KLHL25: variants seen among roughly 807,000 people sequenced by gnomAD.
The protein encoded by KLHL25 is kelch like family member 25.
Under a neutral mutation model 30.0 loss-of-function variants are expected in KLHL25, and 41 were observed. The observed-to-expected ratio is 1.37, with a 90% CI of 1.07 to 1.78. The LOEUF (loss-of-function observed/expected upper bound fraction) is 1.78. Among genes scored for constraint, KLHL25 ranks in the 40% most tolerant of loss-of-function variants. The probability of loss-of-function intolerance (pLI) is 0.00; values close to 1 mark genes in which losing one functional copy is unlikely to be tolerated. For synonymous variants in KLHL25, 399 were observed against 355.3 expected (o/e 1.12, Z -1.38); for missense variants, 971 against 824.5 (o/e 1.18, Z -2.18).
rs1377094528 is a variant in KLHL25 at position 85,769,713 on chromosome 15, A to G, written c.98T>C (p.Leu33Pro). 6.2e-7 allele frequency: 1 copy of G among 1,614,004 alleles called. No individual in the cohort carries two copies. ...CTTGCGAAGCGTGTTGAGGTGGGCC[A>G]GCACACAGTCCGGGTGGGAGGCCTT... The part of the protein sequence containing the change: ...FHKASHPDCV[L>P]AHLNTLRKHC... The change falls in exon 2 of 3, where the codon CTG (leucine) becomes CCG (proline). Residue 33 changes from leucine to proline, a missense_variant. Transcript: ENST00000337975.
chr15:85,792,249 C>T (rs1279281569), intron 1 of KLHL25, among the ~76,000 whole-genome samples: 2 of 149,856 alleles, frequency 1.3e-5, no homozygotes, highest in East Asian at 3.9e-4. Flanking sequence ...CCTCCCTCCT[C>T]CCCTGCACCT....
Position 85,769,183 on chromosome 15 carries a change from C to A in KLHL25, c.628G>T (p.Val210Phe). The A allele has an allele frequency of 6.2e-7, 1 of 1,613,514 alleles. No homozygotes were observed. The highest frequency in any genetic ancestry group is 8.5e-7 in the Non-Finnish European group (1 of 1,179,978). Residue 210 changes from valine to phenylalanine, a missense_variant, in exon 2 of 3, where the codon GTC (valine) becomes TTC (phenylalanine). Coordinates refer to ENST00000337975, the MANE Select transcript of KLHL25 (RefSeq NM_022480.4). ...ACCCACTGGAGGATGGCCTCGAAGA[C>A]CACCCGCTCGTCCTCGGTCTCCAGC... ...DELETEDERV[V>F]FEAILQWVKH...
rs574080410 is a variant in KLHL25, at chr15:85,769,132, C to A, written c.679G>T (p.Val227Phe). Residue 227 changes from valine to phenylalanine, a missense_variant, in exon 2 of 3, where the codon GTC (valine) becomes TTC (phenylalanine). By Grantham distance (50) the Val-to-Phe change is conservative (BLOSUM62 -1). Coordinates refer to ENST00000337975, the MANE Select transcript of KLHL25 (RefSeq NM_022480.4). Reference sequence around the variant, plus strand: ...CTGCGGAGGAGCTCGGGCAAGTGGACCTTCCGTGGCTCCAGGTCGTGCTTC... The same window carrying A: ...CTGCGGAGGAGCTCGGGCAAGTGGAACTTCCGTGGCTCCAGGTCGTGCTTC... ...WVKHDLEPRKVHLPELLRSVR... is the reference protein window; with the variant it reads ...WVKHDLEPRKFHLPELLRSVR... 7 of 1,608,150 alleles carry A rather than the reference C, an allele frequency of 4.4e-6. No homozygotes were observed. In the Admixed American group the frequency reaches 6.7e-5, roughly 15 times the overall value.
Position 85,768,311 on chromosome 15 carries a change from G to GT in KLHL25, c.1499dup (p.Asp500GlufsTer13). The GT allele has an allele frequency of 6.2e-7, 1 of 1,613,994 alleles. No individual in the cohort carries two copies. Among genetic ancestry groups the GT allele is most frequent in the Non-Finnish European group, 8.5e-7 (1 of 1,180,044 alleles). ...AGGCCGAGGCGGCTGTGAATTCCGT[G>GT]TCACCTCCCATGATGAAGATCTGGC... On this transcript the variant is annotated frameshift_variant, in exon 2 of 3. Transcript: ENST00000337975. LOFTEE classifies it high-confidence loss of function.
At chr15:85,793,237 T>C (rs905771967) in intron 1 of KLHL25, among the ~76,000 whole-genome samples, 2 of 152,180 alleles carry the variant, frequency 1.3e-5, no homozygotes, top group East Asian at 3.9e-4. Context: ...AATTTGCCTA[T>C]AGCTCTTCTC....
chr15:85,763,464 C>T (rs2089597444), intron 2 of KLHL25: 2 of 152,336 alleles, frequency 1.3e-5, no homozygotes, highest in Admixed American at 6.5e-5. Context: ...AGTGGGCGCC[C>T]TCCAACAGCA....
intron 2 of KLHL25, among the ~76,000 whole-genome samples, chr15:85,766,994 ATTTTT>A (rs35838334): frequency 7.1e-6 from 1 of 140,862 alleles, no homozygotes; most frequent in Non-Finnish European, 1.5e-5. Context: ...GTTGGCGATC[ATTTTT>A]TTTTTTTTTT....
At chr15:85,767,314 C>G (rs1161684564) in intron 2 of KLHL25, among the ~76,000 whole-genome samples, 1 of 151,962 alleles carries the variant, frequency 6.6e-6, no homozygotes, top group Non-Finnish European at 1.5e-5. Flanking sequence ...ATTGCCCAGG[C>G]TGGTCTTGAA....
chr15:85,769,738 T>C lies in KLHL25; in HGVS notation c.73A>G (p.Lys25Glu), dbSNP rs777621834. ...AGCACACAGTCCGGGTGGGAGGCCTTGTGGAAGAGGGTGACGTTCATGGAC... is the reference window on the plus strand; with the variant it reads ...AGCACACAGTCCGGGTGGGAGGCCTCGTGGAAGAGGGTGACGTTCATGGAC... ...TGSMNVTLFHKASHPDCVLAH... is the reference protein window; with the variant it reads ...TGSMNVTLFHEASHPDCVLAH... The change falls in exon 2 of 3, where the codon AAG (lysine) becomes GAG (glutamate). Residue 25 changes from lysine (K) to glutamate (E), a missense_variant. Transcript: ENST00000337975. The C allele has an allele frequency of 6.2e-7, 1 of 1,613,810 alleles. No homozygotes were observed. The highest frequency in any genetic ancestry group is 2.2e-5 in the East Asian group (1 of 44,888).
rs371582435 is a variant in KLHL25, at chr15:85,768,084, A to T, written c.1727T>A (p.Ile576Asn). 1.2e-6 allele frequency: 2 copies of T among 1,613,860 alleles called. No homozygotes were observed. The highest frequency in any genetic ancestry group is 1.3e-5 in the African/African-American group (1 of 74,892). ...NCITTVPYSL[I>N]PTAFVSTWKH... is the part of the protein sequence containing the mutation. ...CCAGGTGCTGACAAAGGCCGTGGGG[A>T]TAAGTGAGTAGGGCACTGTGGTGAT... is the stretch of plus-strand genomic sequence containing the variant. The change falls in exon 2 of 3, where the codon ATC becomes AAC. Residue 576 changes from isoleucine (I) to asparagine (N), a missense_variant. Transcript: ENST00000337975.
rs1041781113 is a variant in KLHL25, at chr15:85,781,343, A to G, written c.-10-11523T>C. On this transcript the variant is annotated intron_variant, in intron 1 of 2. Transcript: ENST00000337975. ...AAAACATCGGTTCACTGAGTTATGC[A>G]CTCTGGAGAGAATGAGTGAAAAGGG... Among the ~76,000 whole-genome samples the G allele has an allele frequency of 2.6e-5, 4 of 152,182 alleles. No individual in the cohort carries two copies. In the East Asian group the frequency reaches 7.7e-4, roughly 29 times the overall value.
rs1347107841 is a variant in KLHL25 at position 85,773,697 on chromosome 15, C to CT, written c.-10-3878dup. Among the ~76,000 whole-genome samples the CT allele has an allele frequency of 2.0e-5, 3 of 152,180 alleles. No individual in the cohort carries two copies. In the East Asian group the frequency reaches 5.8e-4, roughly 29 times the overall value. ...CTCTATACTAAGATGTTCACTGGAA[C>CT]TTTGAGGAACGAAGCAGGCCCTTTC... On this transcript the variant is annotated intron_variant, in intron 1 of 2. Coordinates refer to ENST00000337975, the MANE Select transcript of KLHL25 (RefSeq NM_022480.4).
intron 2 of KLHL25, among the ~76,000 whole-genome samples, chr15:85,766,388 C>T (rs1368869627): frequency 2.0e-5 from 3 of 152,200 alleles, no homozygotes; most frequent in Non-Finnish European, 4.4e-5. Flanking sequence ...CGCACCCTGG[C>T]CTTTCCCAGG....
At chr15:85,761,739 G>C (rs1384114322) in intron 2 of KLHL25, 1 of 152,296 alleles carries the variant, frequency 6.6e-6, no homozygotes, top group Non-Finnish European at 1.5e-5. Context: ...GGCGGGCACA[G>C]GCAGGCGGAG....
intron 1 of KLHL25, among the ~76,000 whole-genome samples, chr15:85,776,970 G>T (rs2151810227): frequency 6.6e-6 from 1 of 152,198 alleles, no homozygotes; most frequent in East Asian, 1.9e-4. Flanking sequence ...TCTGACACTT[G>T]CAGTGAAGCC....
chr15:85,772,125 C>G (rs1258682197), intron 1 of KLHL25, among the ~76,000 whole-genome samples: 2 of 152,236 alleles, frequency 1.3e-5, no homozygotes, highest in Non-Finnish European at 2.9e-5. Context: ...CCCCTCCTGC[C>G]CCACCCCACA....
intron 1 of KLHL25, among the ~76,000 whole-genome samples, chr15:85,783,694 T>TAA (rs34688793): frequency 2.9e-5 from 4 of 136,402 alleles, no homozygotes; most frequent in African/African-American, 8.3e-5. Context: ...TCCACCTCAA[T>TAA]AAAAAAAAAA....
intron 1 of KLHL25, among the ~76,000 whole-genome samples, chr15:85,792,053 T>C (rs751013004): frequency 2.6e-5 from 4 of 152,332 alleles, no homozygotes; most frequent in Middle Eastern, 3.4e-3. Context: ...GGGATGATTA[T>C]GCCTTGAAGA....
rs1567237999 is a variant in KLHL25 at position 85,768,133 on chromosome 15, G to T, written c.1678C>A (p.Pro560Thr). Residue 560 changes from proline to threonine, a missense_variant, in exon 2 of 3, where the codon CCC (proline) becomes ACC (threonine). Pro to Thr is a conservative substitution (Grantham distance 38, BLOSUM62 -1). Coordinates refer to ENST00000337975, the MANE Select transcript of KLHL25 (RefSeq NM_022480.4). ...QRCKTLDCYDPTSDTWNCITT... is the reference protein window; with the variant it reads ...QRCKTLDCYDTTSDTWNCITT... ...ATGCAGTTCCATGTATCTGAAGTGG[G>T]GTCATAGCAGTCCAGAGTCTTACAC... The T allele has an allele frequency of 6.2e-7, 1 of 1,614,218 alleles. No individual in the cohort carries two copies. Among genetic ancestry groups the T allele is most frequent in the African/African-American group, 1.3e-5 (1 of 75,052 alleles).
Sources: gnomAD v4.1 joint callset for allele counts (sites outside exome capture counted in the v4.1 genomes callset) on GRCh38, gnomAD v4.1.1 for gene constraint, MANE v1.5 for transcripts, NCBI Gene and HGNC (gene_info 2026-07-23, HGNC 2026-07-21) for gene names.